Variants in MAP4K5 observed in about 807,000 individuals in gnomAD.
MAP4K5 encodes the protein MAPK/ERK kinase kinase kinase 5.
Under a neutral mutation model 135.6 loss-of-function variants are expected in MAP4K5, and 82 were observed. The observed-to-expected ratio is 0.60, with a 90% confidence interval of 0.51 to 0.73. The LOEUF (loss-of-function observed/expected upper bound fraction) is 0.73, where lower values mean the gene tolerates loss of function less well. Ranked by LOEUF, MAP4K5 falls within the 30% of genes least tolerant of loss-of-function variation. The pLI, the probability that MAP4K5 is intolerant of heterozygous loss-of-function variation, is 0.00. For synonymous variants in MAP4K5, 347 were observed against 335.0 expected (o/e 1.04, Z -0.39); for missense variants, 907 against 1,010.9 (o/e 0.90, Z 1.39).
chr14:50,476,128 C>T lies in MAP4K5; in HGVS notation c.469G>A (p.Ala157Thr). The change falls in exon 8 of 33, where the codon GCT becomes ACT. Residue 157 changes from alanine to threonine, a missense_variant and splice_region_variant. This residue lies in a region of MAP4K5 where 21 missense variants were observed against 44.2 expected (regional missense o/e 0.47). Transcript: ENST00000682126. The part of the protein sequence containing the change: ...LLTDHGDVKL[A>T]DFGVAAKITA... Reference sequence around the variant, plus strand: ...ATTTTAGGAATTTGAAATAACATACCTAATTTTACATCGCCATGGTCTGTC... The same window carrying T: ...ATTTTAGGAATTTGAAATAACATACTTAATTTTACATCGCCATGGTCTGTC... 1 of 1,468,036 alleles carries T rather than the reference C, an allele frequency of 6.8e-7. No individual in the cohort carries two copies. The highest frequency in any genetic ancestry group is 9.1e-7 in the Non-Finnish European group (1 of 1,101,172). The allele number at this position is 1,468,036 out of a possible 1,614,324, so 90.9% of individuals were successfully genotyped here.
At chr14:50,544,634 G>C (rs2140150631) in intron 1 of MAP4K5, among the ~76,000 whole-genome samples, 1 of 152,266 alleles carries the variant, frequency 6.6e-6, no homozygotes, top group Admixed American at 6.5e-5. Context: ...AGAGGAGCCA[G>C]CATTAGAAAA....
In MAP4K5 at chr14:50,491,997, G is replaced by A. The variant is rs2037494519; in HGVS notation, c.167-5803C>T. Reference sequence around the variant, plus strand: ...CCACCACACCTGGCCTGAGCTTTCAGAAAGTTAGCACATTATAATAATTCT... The same window carrying A: ...CCACCACACCTGGCCTGAGCTTTCAAAAAGTTAGCACATTATAATAATTCT... On this transcript the variant is annotated intron_variant, in intron 3 of 32. Transcript: ENST00000682126. Among the ~76,000 whole-genome samples the A allele has an allele frequency of 2.0e-5, 3 of 152,010 alleles. No individual in the cohort carries two copies. The South Asian group carries it at 6.2e-4, about 31-fold the overall frequency.
At chr14:50,465,414 A>C in intron 11 of MAP4K5, among the ~76,000 whole-genome samples, 1 of 152,338 alleles carries the variant, frequency 6.6e-6, no homozygotes, top group South Asian at 2.1e-4. Context: ...CCAGAAAAAT[A>C]ATCTTTAATT....
intron 2 of MAP4K5, among the ~76,000 whole-genome samples, chr14:50,542,005 T>C (rs1306184621): frequency 2.2e-5 from 1 of 45,392 alleles, no homozygotes; most frequent in Non-Finnish European, 3.6e-5. Flanking sequence ...AGATTCCGTC[T>C]CAAAAAAAAA....
chr14:50,550,239 C>T (rs914764331), intron 1 of MAP4K5, among the ~76,000 whole-genome samples: 4 of 152,214 alleles, frequency 2.6e-5, no homozygotes, highest in Admixed American at 2.6e-4. Context: ...GAGAGGGAAG[C>T]CATGTGTGGT....
At chr14:50,541,071 A>G (rs1465226460) in intron 2 of MAP4K5, among the ~76,000 whole-genome samples, 1 of 152,224 alleles carries the variant, frequency 6.6e-6, no homozygotes, top group African/African-American at 2.4e-5. Context: ...CTTGGCACCT[A>G]GAAGGTAGCT....
intron 3 of MAP4K5, among the ~76,000 whole-genome samples, chr14:50,490,486 T>G (rs1485394994): frequency 6.6e-6 from 1 of 152,170 alleles, no homozygotes; most frequent in African/African-American, 2.4e-5. Flanking sequence ...CAGTAACCAC[T>G]AGAGCAATGA....
intron 2 of MAP4K5, among the ~76,000 whole-genome samples, chr14:50,513,682 C>T (rs2037975320): frequency 6.6e-6 from 1 of 152,070 alleles, no homozygotes; most frequent in Admixed American, 6.5e-5. Context: ...TCCTGTATTT[C>T]TCTGTTCTTC....
chr14:50,439,038 T>C (rs2036163415), intron 23 of MAP4K5, among the ~76,000 whole-genome samples: 2 of 152,130 alleles, frequency 1.3e-5, no homozygotes, highest in South Asian at 4.1e-4. Context: ...TATTAACATA[T>C]TAATATTTTA....
intron 1 of MAP4K5, among the ~76,000 whole-genome samples, chr14:50,544,936 CAAAAAAAAAAAA>C (rs35420627): frequency 1.7e-5 from 1 of 58,448 alleles, no homozygotes; most frequent in Non-Finnish European, 3.2e-5. Context: ...GACCCACTCT[CAAAAAAAAAAAA>C]AAAAAAAAAA....
Position 50,504,798 on chromosome 14 carries a change from ACCAGG to A in MAP4K5, c.163_166+1del. ...AATTGTCTTGAGGGTTTTAACACAT[ACCAGG>A]CTCCAATTTAATGATTTTTACTGCA... On this transcript the variant is annotated splice_donor_variant and coding_sequence_variant, in exon 3 of 33. Transcript: ENST00000682126. LOFTEE classifies it high-confidence loss of function. The A allele has an allele frequency of 3.2e-6, 5 of 1,552,804 alleles. No homozygotes were observed. Among genetic ancestry groups the A allele is most frequent in the Non-Finnish European group, 4.4e-6 (5 of 1,146,990 alleles).
rs187305616 is a variant in MAP4K5, at chr14:50,464,261, A to G, written c.738-128T>C. ...TTTTATTGGGCCACTTAGTTAAAGT[A>G]CAATATATTCCGTGGAAACATCTGT... On this transcript the variant is annotated intron_variant, in intron 11 of 32. Coordinates refer to ENST00000682126, the MANE Select transcript of MAP4K5 (RefSeq NM_006575.6). 1,717 of 595,674 alleles carry G rather than the reference A, an allele frequency of 2.9e-3. 6 individuals are homozygous for G. The highest frequency in any genetic ancestry group is 3.0e-3 in the Non-Finnish European group (996 of 337,610). The allele number at this position is 595,674 out of a possible 1,614,324, so 36.9% of individuals were successfully genotyped here.
chr14:50,552,653 T>C (rs1227186989), intron 1 of MAP4K5, among the ~76,000 whole-genome samples: 1 of 152,202 alleles, frequency 6.6e-6, no homozygotes, highest in Non-Finnish European at 1.5e-5. Context: ...GTGGTACTGC[T>C]ATAAAAATAG....
intron 2 of MAP4K5, among the ~76,000 whole-genome samples, chr14:50,527,816 AAAT>A (rs558634991): frequency 0.24 from 31,348 of 133,246 alleles, 3,743 homozygotes; most frequent in Middle Eastern, 0.3. Flanking sequence ...ATGAAAGGTA[AAAT>A]AATAATAATA....
intron 15 of MAP4K5, among the ~76,000 whole-genome samples, chr14:50,447,998 T>TTTTC (rs2036395421): frequency 1.3e-5 from 2 of 148,270 alleles, no homozygotes; most frequent in African/African-American, 5.0e-5. Flanking sequence ...TTCATTACTT[T>TTTTC]TTTCTTTTTA....
chr14:50,516,887 C>T (rs1229714856), intron 2 of MAP4K5, among the ~76,000 whole-genome samples: 1 of 152,146 alleles, frequency 6.6e-6, no homozygotes, highest in Non-Finnish European at 1.5e-5. Flanking sequence ...AGTATTGAGT[C>T]CCTATGAAAG....
At chr14:50,443,808 TAA>T in intron 19 of MAP4K5, 38 bp from the exon 20 acceptor site, 1 of 1,565,188 alleles carries the variant, frequency 6.4e-7, no homozygotes, top group Non-Finnish European at 8.7e-7. Flanking sequence ...TAAGACCTCC[TAA>T]GTCTTAAAAA....
At chr14:50,512,936 C>T (rs878886063) in intron 2 of MAP4K5, among the ~76,000 whole-genome samples, 2 of 152,052 alleles carry the variant, frequency 1.3e-5, no homozygotes, top group Admixed American at 1.3e-4. Context: ...AACTGGAGTA[C>T]AACGGCAACT....
intron 14 of MAP4K5, among the ~76,000 whole-genome samples, chr14:50,451,676 A>G (rs1369994182): frequency 1.3e-5 from 2 of 151,496 alleles, no homozygotes; most frequent in African/African-American, 4.8e-5. Context: ...TTTTTTTTTC[A>G]AAAATAGTTA....
Sources: allele counts gnomAD v4.1 joint callset (sites outside exome capture counted in the v4.1 genomes callset), GRCh38; gene constraint gnomAD v4.1.1; regional missense constraint gnomAD v4.1.1; transcripts MANE v1.5; gene names NCBI Gene and HGNC (gene_info 2026-07-23, HGNC 2026-07-21).